The following ZZZ3 variants were observed in gnomAD, a reference collection of about 807,000 sequenced individuals.
ZZZ3 encodes the protein ZZ-type zinc finger-containing protein 3.
In ZZZ3, 22 loss-of-function variants were observed where a neutral mutation model predicts 95.2. The observed-to-expected ratio is 0.23, with a 90% CI of 0.17 to 0.33. The LOEUF is 0.33. ZZZ3 is among the 10% of genes least tolerant of loss of function. ZZZ3 has a pLI of 1.00. For missense variants in ZZZ3, 885 were observed against 1,066.5 expected (o/e 0.83, Z 2.37); for synonymous variants, 335 against 358.9 (o/e 0.93, Z 0.75).
rs1668764990 is a variant in ZZZ3 at position 77,641,378 on chromosome 1, A to G, written c.-206+6T>C. ...CAACTGTTATTTTCACAGAACTGAT[A>G]CTTACAGCTGAGCTCTATCAGCATT... is the stretch of plus-strand genomic sequence containing the variant. On this transcript the variant is annotated splice_donor_region_variant and intron_variant, in intron 3 of 14. Coordinates refer to ENST00000370801, the MANE Select transcript of ZZZ3 (RefSeq NM_015534.6). 1 of 392,056 alleles carries G rather than the reference A, an allele frequency of 2.6e-6. No homozygotes were observed. Among genetic ancestry groups the G allele is most frequent in the Non-Finnish European group, 4.5e-6 (1 of 222,346 alleles). The allele number at this position is 392,056 out of a possible 1,614,324, so 24.3% of individuals were successfully genotyped here.
At chr1:77,625,472 T>C (rs1667249228) in intron 5 of ZZZ3, among the ~76,000 whole-genome samples, 1 of 152,156 alleles carries the variant, frequency 6.6e-6, no homozygotes, top group Non-Finnish European at 1.5e-5. Context: ...AGGAAAGTCT[T>C]AGTTACTAAA....
chr1:77,592,935 A>G (rs1273340096), intron 5 of ZZZ3, among the ~76,000 whole-genome samples: 2 of 152,240 alleles, frequency 1.3e-5, no homozygotes, highest in Non-Finnish European at 2.9e-5. Flanking sequence ...AAGATCCACA[A>G]GAAGATGGAA....
At chr1:77,668,456 T>C (rs898777290) in intron 1 of ZZZ3, among the ~76,000 whole-genome samples, 2 of 152,116 alleles carry the variant, frequency 1.3e-5, no homozygotes, top group African/African-American at 4.8e-5. Flanking sequence ...TCCACATCAA[T>C]AACAAAGAGC....
chr1:77,600,568 CA>C (rs1021077525), intron 5 of ZZZ3, among the ~76,000 whole-genome samples: 8 of 152,052 alleles, frequency 5.3e-5, no homozygotes, highest in Non-Finnish European at 1.2e-4. Context: ...CTCTAAGGGT[CA>C]GGGGTGGCTT....
At chr1:77,678,450 A>T (rs997448259) in intron 1 of ZZZ3, among the ~76,000 whole-genome samples, 12 of 152,222 alleles carry the variant, frequency 7.9e-5, no homozygotes, top group African/African-American at 2.9e-4. Context: ...TTACTTTTAT[A>T]GCAATCTCAA....
At chr1:77,568,994 G>A (rs1394051048) in intron 12 of ZZZ3, among the ~76,000 whole-genome samples, 1 of 152,158 alleles carries the variant, frequency 6.6e-6, no homozygotes, top group Admixed American at 6.5e-5. Context: ...TTACAAAGAC[G>A]ACTATTTAGA....
In ZZZ3 at chr1:77,565,516, A is replaced by T. The variant is rs943617182; in HGVS notation, c.*124T>A. 6 of 1,003,360 alleles carry T rather than the reference A, an allele frequency of 6.0e-6. No individual in the cohort carries two copies. Among genetic ancestry groups the T allele is most frequent in the Non-Finnish European group, 7.4e-6 (5 of 678,742 alleles). 62.2% of individuals were successfully genotyped at this position (1,003,360 alleles called of 1,614,324 possible). A position where few individuals can be genotyped will look rare whatever the true frequency, so the allele number is the denominator to read the frequency against. ...GCTGTACTTGACGAGAACACTCAGG[A>T]AGCTCTCATGCTGTGAGTGTCATTT... On this transcript the variant is annotated 3_prime_UTR_variant, in exon 15 of 15. Coordinates refer to ENST00000370801, the MANE Select transcript of ZZZ3 (RefSeq NM_015534.6).
Position 77,598,804 on chromosome 1 carries a change from A to G in ZZZ3, c.1506-14149T>C, listed in dbSNP as rs146174949. 1.3e-3 allele frequency among the ~76,000 whole-genome samples: 197 copies of G among 152,292 alleles called. 1 individual carries two copies. The highest frequency in any genetic ancestry group is 4.4e-3 in the African/African-American group (181 of 41,586). On this transcript the variant is annotated intron_variant, in intron 5 of 14. Coordinates refer to ENST00000370801, the MANE Select transcript of ZZZ3 (RefSeq NM_015534.6). ...AGATATTATCTCTATTTTACTTAAGAGTGACAGTTGCTAAAGCATTTCCCA... is the reference window on the plus strand; with the variant it reads ...AGATATTATCTCTATTTTACTTAAGGGTGACAGTTGCTAAAGCATTTCCCA...
chr1:77,603,571 A>C (rs959109771), intron 5 of ZZZ3, among the ~76,000 whole-genome samples: 4 of 152,194 alleles, frequency 2.6e-5, no homozygotes, highest in Non-Finnish European at 5.9e-5. Flanking sequence ...TAAGGACTAG[A>C]TTATGTGCAT....
rs1420996953 is a variant in ZZZ3, at chr1:77,579,522, A to G, written c.2082+5T>C. The G allele has an allele frequency of 6.3e-7, 1 of 1,595,514 alleles. No homozygotes were observed. Among genetic ancestry groups the G allele is most frequent in the African/African-American group, 1.4e-5 (1 of 73,648 alleles). ...CCAGCAATCTGCAGTCATCTCCTCAATTACCTGTTTTGCTGTCCTGTTGCC... is the reference window on the plus strand; with the variant it reads ...CCAGCAATCTGCAGTCATCTCCTCAGTTACCTGTTTTGCTGTCCTGTTGCC... On this transcript the variant is annotated splice_donor_5th_base_variant and intron_variant, in intron 10 of 14. Transcript: ENST00000370801.
chr1:77,642,017 T>C (rs1668819511), intron 1 of ZZZ3, among the ~76,000 whole-genome samples: 2 of 152,358 alleles, frequency 1.3e-5, no homozygotes, highest in South Asian at 2.1e-4. Context: ...CTTTTTTGTG[T>C]GTTTTATATT....
At chr1:77,641,315 G>A in intron 3 of ZZZ3, 69 bp downstream of exon 3, 1 of 367,172 alleles carries the variant, frequency 2.7e-6, no homozygotes, top group East Asian at 3.9e-5. Flanking sequence ...ACTATAGGAA[G>A]ATTATCCACT....
chr1:77,641,817 CA>C (rs1557754885), intron 1 of ZZZ3, among the ~76,000 whole-genome samples, 162 bp from the exon 2 acceptor site: 1 of 152,156 alleles, frequency 6.6e-6, no homozygotes, highest in Non-Finnish European at 1.5e-5. Context: ...GTGTCTTCAA[CA>C]AACTAAGATG....
intron 5 of ZZZ3, among the ~76,000 whole-genome samples, chr1:77,618,636 C>G (rs1026436332): frequency 6.6e-6 from 1 of 152,114 alleles, no homozygotes; most frequent in African/African-American, 2.4e-5. Flanking sequence ...TGTTTGCTAT[C>G]ATTTATTTAA....
intron 1 of ZZZ3, among the ~76,000 whole-genome samples, chr1:77,670,502 G>A (rs1183060729): frequency 6.6e-6 from 1 of 151,872 alleles, no homozygotes; most frequent in Non-Finnish European, 1.5e-5. Flanking sequence ...CAGATGATCC[G>A]CCCACCTCGG....
Position 77,631,899 on chromosome 1 carries a change from C to G in ZZZ3, c.1456G>C (p.Asp486His). 6.2e-7 allele frequency: 1 copy of G among 1,612,248 alleles called. No individual in the cohort carries two copies. The highest frequency in any genetic ancestry group is 1.3e-5 in the African/African-American group (1 of 75,002). ...TGATCTGATTCAAAGTAATAAACAT[C>G]AGGATCATCATCTTCCTCTTCTGTA... ...HITEEEDDDPDVYYFESDHVA... is the reference protein window; with the variant it reads ...HITEEEDDDPHVYYFESDHVA... The change falls in exon 5 of 15, where the codon GAT becomes CAT. Residue 486 changes from aspartate to histidine, a missense_variant. Transcript: ENST00000370801.
intron 5 of ZZZ3, among the ~76,000 whole-genome samples, chr1:77,603,502 T>G (rs1302522250): frequency 6.6e-6 from 1 of 152,208 alleles, no homozygotes; most frequent in Admixed American, 6.5e-5. Flanking sequence ...AGTAGGGTCA[T>G]GGGAATCTCT....
chr1:77,582,962 A>C (rs1310725709), intron 6 of ZZZ3, among the ~76,000 whole-genome samples: 1 of 152,088 alleles, frequency 6.6e-6, no homozygotes, highest in Non-Finnish European at 1.5e-5. Flanking sequence ...AAAATTAGCC[A>C]GGTGTAGTAC....
At chr1:77,610,103 A>T (rs1004280989) in intron 5 of ZZZ3, among the ~76,000 whole-genome samples, 2 of 149,432 alleles carry the variant, frequency 1.3e-5, no homozygotes, top group African/African-American at 2.4e-5. Flanking sequence ...GGCCAGACTT[A>T]AAAAAAAAGA....
Sources: allele counts gnomAD v4.1 joint callset (sites outside exome capture counted in the v4.1 genomes callset), GRCh38; gene constraint gnomAD v4.1.1; transcripts MANE v1.5; gene names NCBI Gene and HGNC (gene_info 2026-07-23, HGNC 2026-07-21).